The following DPY19L1 variants were observed in gnomAD, a reference collection of about 807,000 sequenced individuals.
The protein encoded by DPY19L1 is protein C-mannosyl-transferase DPY19L1.
In DPY19L1, 35 loss-of-function variants were observed where a neutral mutation model predicts 96.9. The observed-to-expected ratio is 0.36, with a 90% CI of 0.28 to 0.48. The LOEUF is 0.48. Ranked by LOEUF, DPY19L1 falls within the 20% of genes least tolerant of loss-of-function variation. The pLI, the probability that DPY19L1 is intolerant of heterozygous loss-of-function variation, is 0.99. For synonymous variants in DPY19L1, 205 were observed against 252.6 expected, an observed-to-expected ratio of 0.81 and a Z score of 1.79; for missense variants, 521 against 777.9, an observed-to-expected ratio of 0.67 and a Z score of 3.93.
chr7:34,996,731 A>G (rs886200891), intron 6 of DPY19L1, among the ~76,000 whole-genome samples: 2 of 151,968 alleles, frequency 1.3e-5, no homozygotes, highest in Non-Finnish European at 2.9e-5. Flanking sequence ...GTCAAATCCA[A>G]ACACCAAAAC....
chr7:34,999,164 A>C (rs1785365856), intron 6 of DPY19L1, among the ~76,000 whole-genome samples: 1 of 152,192 alleles, frequency 6.6e-6, no homozygotes, highest in Non-Finnish European at 1.5e-5. Context: ...TATCTACCAC[A>C]TCATGACCTT....
In DPY19L1 at chr7:34,973,398, T is replaced by C. The variant is rs367866953; in HGVS notation, c.914+116A>G. Reference sequence around the variant, plus strand: ...AGTTACACTCTTATAATATTTTTACTAATAACAGCATCATATTGGTTAATT... The same window carrying C: ...AGTTACACTCTTATAATATTTTTACCAATAACAGCATCATATTGGTTAATT... On this transcript the variant is annotated intron_variant, in intron 8 of 21. Transcript: ENST00000638088. 31 of 523,202 alleles carry C rather than the reference T, an allele frequency of 5.9e-5. No homozygotes were observed. The South Asian group carries it at 1.2e-3, about 20-fold the overall frequency. 32.4% of individuals were successfully genotyped at this position (523,202 alleles called of 1,614,324 possible).
intron 10 of DPY19L1, among the ~76,000 whole-genome samples, chr7:34,958,919 T>A (rs1273889567): frequency 6.6e-6 from 1 of 152,130 alleles, no homozygotes; most frequent in Non-Finnish European, 1.5e-5. Context: ...CCACTGCCCA[T>A]CTGTCTACTG....
chr7:34,955,388 T>C (rs1302007861), intron 11 of DPY19L1, 21 bp from the exon 12 acceptor site: 7 of 1,602,030 alleles, frequency 4.4e-6, no homozygotes, highest in Non-Finnish European at 6.0e-6. Context: ...AAAAATAACA[T>C]AGTATACACA....
chr7:34,962,932 T>A (rs920368406), intron 10 of DPY19L1, among the ~76,000 whole-genome samples: 1 of 151,878 alleles, frequency 6.6e-6, no homozygotes, highest in African/African-American at 2.4e-5. Flanking sequence ...CAGTGGCTCA[T>A]GCCTGTAATC....
intron 3 of DPY19L1, among the ~76,000 whole-genome samples, chr7:35,016,967 G>A (rs1290333067): frequency 6.7e-6 from 1 of 149,636 alleles, no homozygotes; most frequent in Non-Finnish European, 1.5e-5. Flanking sequence ...TGTAGGCACT[G>A]TTTGGATCCT....
At chr7:34,984,179 A>G (rs1417928155) in intron 7 of DPY19L1, among the ~76,000 whole-genome samples, 1 of 152,226 alleles carries the variant, frequency 6.6e-6, no homozygotes, top group East Asian at 1.9e-4. Flanking sequence ...CTTTATCACA[A>G]TGCTAAATAA....
At chr7:34,953,022 C>T (rs570493682) in intron 13 of DPY19L1, among the ~76,000 whole-genome samples, 1 of 152,176 alleles carries the variant, frequency 6.6e-6, no homozygotes, top group African/African-American at 2.4e-5. Context: ...TTGAAGGGGG[C>T]AGGACCGAGT....
chr7:34,984,615 T>C (rs1454424442), intron 7 of DPY19L1, among the ~76,000 whole-genome samples: 1 of 152,204 alleles, frequency 6.6e-6, no homozygotes, highest in Non-Finnish European at 1.5e-5. Flanking sequence ...ACTTTTGAAG[T>C]TACTGTAGGT....
chr7:35,024,766 G>T (rs1019977404), intron 1 of DPY19L1, among the ~76,000 whole-genome samples: 1 of 152,114 alleles, frequency 6.6e-6, no homozygotes, highest in Non-Finnish European at 1.5e-5. Flanking sequence ...TGCTTATCCA[G>T]CTATCCTAGC....
intron 1 of DPY19L1, among the ~76,000 whole-genome samples, chr7:35,030,752 T>A (rs1255714028): frequency 1.1e-4 from 16 of 152,210 alleles, no homozygotes; most frequent in Non-Finnish European, 2.2e-4. Flanking sequence ...TGTAGATTTA[T>A]GTATTCTGAA....
At position 35,037,125 on chromosome 7, in the gene DPY19L1, G is replaced by A; in HGVS notation, c.270C>T (p.Arg90=). ...RWALGLRRAG[R]GRTWTTLLLA... ...ACAGGAGCGTGGTCCAGGTCCGGCC[G>A]CGCCCCGCGCGCCGCAGGCCCAGCG... Residue 90 remains arginine (R), a synonymous_variant, in exon 1 of 22, where the codon CGC becomes CGT. Transcript: ENST00000638088. 5.0e-6 allele frequency: 1 copy of A among 201,674 alleles called. No homozygotes were observed. The highest frequency in any genetic ancestry group is 1.0e-5 in the Non-Finnish European group (1 of 100,438). The allele number at this position is 201,674 out of a possible 1,614,324, so 12.5% of individuals were successfully genotyped here.
chr7:34,953,665 T>C (rs909401113), intron 13 of DPY19L1, among the ~76,000 whole-genome samples: 6 of 152,032 alleles, frequency 3.9e-5, no homozygotes, highest in Non-Finnish European at 5.9e-5. Context: ...CTCAGTTTGG[T>C]ATCTCTAGCA....
intron 9 of DPY19L1, among the ~76,000 whole-genome samples, chr7:34,967,241 G>A (rs1784630736): frequency 6.6e-6 from 1 of 151,976 alleles, no homozygotes; most frequent in Non-Finnish European, 1.5e-5. Flanking sequence ...TTAACTTCAG[G>A]TCAACCCTAC....
At position 34,948,781 on chromosome 7, in the gene DPY19L1, A is replaced by T. The variant is rs145656629; in HGVS notation, c.1422+1016T>A. Among the ~76,000 whole-genome samples, 796 of 152,352 alleles carry T rather than the reference A, an allele frequency of 5.2e-3. 7 individuals carry two copies. The highest frequency in any genetic ancestry group is 0.018 in the African/African-American group (749 of 41,586). On this transcript the variant is annotated intron_variant, in intron 14 of 21. Transcript: ENST00000638088. ...CTTTGTTTGTTTCAGCAGGTTTAAC[A>T]CTAAAACTCATATACCTTTGTCAGC... is the stretch of plus-strand genomic sequence containing the variant.
At chr7:35,005,753 G>A (rs1785539247) in intron 6 of DPY19L1, among the ~76,000 whole-genome samples, 1 of 151,734 alleles carries the variant, frequency 6.6e-6, no homozygotes, top group African/African-American at 2.4e-5. Flanking sequence ...GGAAAATGCA[G>A]TGAGCTGAGA....
chr7:34,990,584 A>C (rs1469406404), intron 6 of DPY19L1, among the ~76,000 whole-genome samples: 2 of 152,244 alleles, frequency 1.3e-5, no homozygotes, highest in Non-Finnish European at 2.9e-5. Flanking sequence ...AAGTATGACA[A>C]TCAGGCTTAT....
intron 5 of DPY19L1, 84 bp from the exon 6 acceptor site, chr7:35,010,645 C>T (rs1160028774): frequency 1.1e-6 from 1 of 943,562 alleles, no homozygotes; most frequent in Non-Finnish European, 1.6e-6. Context: ...AAATTGTGTT[C>T]ATTTTGAAAA....
intron 7 of DPY19L1, among the ~76,000 whole-genome samples, chr7:34,983,731 T>C (rs918934578): frequency 5.3e-5 from 8 of 151,932 alleles, no homozygotes; most frequent in Non-Finnish European, 7.4e-5. Flanking sequence ...GATAGTATTT[T>C]TTAAAAGTTG....
Sources: gnomAD v4.1 joint callset for allele counts (sites outside exome capture counted in the v4.1 genomes callset) on GRCh38, gnomAD v4.1.1 for gene constraint, MANE v1.5 for transcripts, NCBI Gene and HGNC (gene_info 2026-07-23, HGNC 2026-07-21) for gene names.